The following CTNNA1 variants were observed in gnomAD, a reference collection of about 807,000 sequenced individuals.
CTNNA1 encodes catenin alpha 1.
CTNNA1 carries 37 observed loss-of-function variants against 98.4 expected under a neutral mutation model. The ratio of observed to expected loss-of-function variants is 0.38; its 90% CI spans 0.29 to 0.49. The LOEUF is 0.49. CTNNA1 is among the 20% of genes least tolerant of loss of function. The pLI, the probability that CTNNA1 is intolerant of heterozygous loss-of-function variation, is 0.95. For synonymous variants in CTNNA1, 404 were observed against 413.2 expected (o/e 0.98, Z 0.27); for missense variants, 761 against 1,147.2 (o/e 0.66, Z 4.86).
chr5:138,787,681 A>G (rs559790098), intron 3 of CTNNA1, among the ~76,000 whole-genome samples: 6 of 152,300 alleles, frequency 3.9e-5, no homozygotes, highest in South Asian at 2.1e-4. Flanking sequence ...GACCTTCTGT[A>G]TCTTTGGGTT....
chr5:138,896,031 T>C (rs1756718913), intron 9 of CTNNA1, among the ~76,000 whole-genome samples: 1 of 152,186 alleles, frequency 6.6e-6, no homozygotes, highest in Non-Finnish European at 1.5e-5. Context: ...TCCTGAGTAG[T>C]ATTAGGGCTA....
chr5:138,901,657 A>C (rs1436692092), intron 9 of CTNNA1, among the ~76,000 whole-genome samples: 5 of 152,132 alleles, frequency 3.3e-5, no homozygotes, highest in Admixed American at 1.3e-4. Context: ...ACAAACTCCT[A>C]GCCTCAAGTG....
At chr5:138,842,615 G>C (rs1286436560) in intron 7 of CTNNA1, among the ~76,000 whole-genome samples, 2 of 152,142 alleles carry the variant, frequency 1.3e-5, no homozygotes, top group South Asian at 2.1e-4. Flanking sequence ...TTATGCCAGA[G>C]GTTGCAAATT....
chr5:138,808,883 A>C (rs572403679), intron 3 of CTNNA1, among the ~76,000 whole-genome samples: 15 of 152,242 alleles, frequency 9.9e-5, no homozygotes, highest in African/African-American at 3.4e-4. Context: ...AGTTGCTTCT[A>C]GCTGTAAGAA....
chr5:138,876,457 A>T (rs1220194309), intron 7 of CTNNA1, among the ~76,000 whole-genome samples: 1 of 152,140 alleles, frequency 6.6e-6, no homozygotes, highest in Non-Finnish European at 1.5e-5. Flanking sequence ...TCAGTTGTGG[A>T]TGTATAGCTC....
chr5:138,862,373 T>C (rs77069528), intron 7 of CTNNA1, among the ~76,000 whole-genome samples: 3,111 of 152,338 alleles, frequency 0.02, 60 homozygotes, highest in Non-Finnish European at 0.034. Context: ...AAAAGGAACG[T>C]AATAGTGATC....
intron 14 of CTNNA1, among the ~76,000 whole-genome samples, chr5:138,929,792 A>C (rs1332212930): frequency 6.6e-6 from 1 of 152,232 alleles, no homozygotes; most frequent in Non-Finnish European, 1.5e-5. Flanking sequence ...TGAGTCATTA[A>C]ATCTTCAATC....
intron 3 of CTNNA1, among the ~76,000 whole-genome samples, chr5:138,800,803 A>T (rs1055347487): frequency 2.0e-4 from 29 of 146,290 alleles, no homozygotes; most frequent in Admixed American, 5.5e-4. Flanking sequence ...AACTCCGTCT[A>T]AAAAAAAAAA....
At chr5:138,829,165 A>G (rs1166125500) in intron 7 of CTNNA1, among the ~76,000 whole-genome samples, 3 of 152,212 alleles carry the variant, frequency 2.0e-5, no homozygotes, top group Non-Finnish European at 4.4e-5. Context: ...ACTTAAGAAA[A>G]ATGAGATTAG....
intron 9 of CTNNA1, among the ~76,000 whole-genome samples, chr5:138,897,662 C>A (rs1460436525): frequency 6.6e-6 from 1 of 152,058 alleles, no homozygotes; most frequent in Admixed American, 6.5e-5. Context: ...ACCTTGGATT[C>A]CAGAATTCTA....
intron 7 of CTNNA1, among the ~76,000 whole-genome samples, chr5:138,878,027 A>G (rs1414798063): frequency 6.6e-6 from 1 of 152,206 alleles, no homozygotes; most frequent in Non-Finnish European, 1.5e-5. Context: ...TTAAATACTA[A>G]TAAATGGAGA....
rs1763630609 is a variant in CTNNA1 at position 138,924,696 on chromosome 5, T to C, written c.1733T>C (p.Leu578Pro). 6.3e-7 allele frequency: 1 copy of C among 1,578,940 alleles called. No homozygotes were observed. The highest frequency in any genetic ancestry group is 8.6e-7 in the Non-Finnish European group (1 of 1,161,932). ...YTEKVLEATK[L>P]LSNTVMPRFT... ...GAGAAGGTTCTGGAAGCCACTAAGC[T>C]GCTCTCCAACACAGGTACGGGAACT... The change falls in exon 12 of 18, where the codon CTG (leucine) becomes CCG (proline). Residue 578 changes from leucine (L) to proline (P), a missense_variant. Physicochemically the swap from Leu to Pro is moderately conservative, Grantham distance 98. Around this residue, in one of 6 missense-constraint regions of CTNNA1, gnomAD observed 287 missense variants for 436.0 expected, o/e 0.66. Transcript: ENST00000302763.
intron 5 of CTNNA1, 112 bp downstream of exon 5, chr5:138,812,414 T>A: frequency 8.4e-7 from 1 of 1,184,432 alleles, no homozygotes; most frequent in East Asian, 2.6e-5. Context: ...CCAATATAGT[T>A]CCATTAAAAC....
intron 3 of CTNNA1, among the ~76,000 whole-genome samples, chr5:138,791,761 T>G (rs1756399551): frequency 6.8e-6 from 1 of 147,624 alleles, no homozygotes; most frequent in Non-Finnish European, 1.5e-5. Flanking sequence ...TTTGTGAGCA[T>G]ACTCTAATGG....
At chr5:138,927,710 T>TAATG (rs749302365) in intron 13 of CTNNA1, among the ~76,000 whole-genome samples, 21,436 of 150,920 alleles carry the variant, frequency 0.14, 1,519 homozygotes, top group African/African-American at 0.17. Context: ...GGCAGAGAGA[T>TAATG]AATGAATGAA....
At chr5:138,881,750 A>G (rs1387422351) in intron 7 of CTNNA1, among the ~76,000 whole-genome samples, 2 of 141,138 alleles carry the variant, frequency 1.4e-5, no homozygotes, top group Non-Finnish European at 3.1e-5. Context: ...GTAAAATGCC[A>G]TAATTCATTG....
chr5:138,809,274 G>T (rs1042044447), intron 3 of CTNNA1, among the ~76,000 whole-genome samples: 1 of 152,100 alleles, frequency 6.6e-6, no homozygotes, highest in African/African-American at 2.4e-5. Context: ...CTTCATTATA[G>T]AAACTTTTTA....
At chr5:138,878,009 C>G (rs1353442087) in intron 7 of CTNNA1, among the ~76,000 whole-genome samples, 1 of 152,106 alleles carries the variant, frequency 6.6e-6, no homozygotes, top group Non-Finnish European at 1.5e-5. Context: ...GTCTGCTTGG[C>G]CTACCTCTTA....
chr5:138,862,585 G>A (rs1350071385), intron 7 of CTNNA1, among the ~76,000 whole-genome samples: 1 of 152,170 alleles, frequency 6.6e-6, no homozygotes, highest in Non-Finnish European at 1.5e-5. Flanking sequence ...TTTTGAGTTA[G>A]GGATTTTAAA....
Sources: gnomAD v4.1 joint callset for allele counts (sites outside exome capture counted in the v4.1 genomes callset) on GRCh38, gnomAD v4.1.1 for gene constraint, gnomAD v4.1.1 regional missense constraint, MANE v1.5 for transcripts, NCBI Gene and HGNC (gene_info 2026-07-23, HGNC 2026-07-21) for gene names.